The following LEMD1 variants were observed in gnomAD, a reference collection of about 807,000 sequenced individuals.
The protein encoded by LEMD1 is LEM domain-containing protein 1.
In LEMD1, 18 loss-of-function variants were observed where a neutral mutation model predicts 17.4. The observed-to-expected ratio is 1.04, with a 90% CI of 0.72 to 1.54. The LOEUF is 1.54. LEMD1 is among the 40% of genes most tolerant of loss of function. LEMD1 has a pLI of 0.00. For synonymous variants in LEMD1, 88 were observed against 77.8 expected (o/e 1.13, Z -0.69); for missense variants, 195 against 210.4 (o/e 0.93, Z 0.45).
intron 4 of LEMD1, among the ~76,000 whole-genome samples, chr1:205,398,134 C>T (rs6679381): frequency 0.56 from 85,780 of 152,036 alleles, 24,587 homozygotes; most frequent in African/African-American, 0.64. Context: ...TTTAGCAGCT[C>T]CCTTAGCACA....
chr1:205,411,092 GAAAGAAA>G lies in LEMD1; in HGVS notation c.270+5133_270+5139del, dbSNP rs369368701. ...AAAGAAAGAAATGAAGGAAAAAGAAGAAAGAAAAAAGAAAGAAAGGAAGGAGGGAGGG... is the reference window on the plus strand; with the variant it reads ...AAAGAAAGAAATGAAGGAAAAAGAAGAAAGAAAGAAAGGAAGGAGGGAGGG... On this transcript the variant is annotated intron_variant, in intron 4 of 5. Transcript: ENST00000367153. Among the ~76,000 whole-genome samples, 99 of 14,796 alleles carry G rather than the reference GAAAGAAA, an allele frequency of 6.7e-3. 2 individuals carry two copies. The highest frequency in any genetic ancestry group is 0.024 in the East Asian group (2 of 82). The allele number at this position is 14,796 out of a possible 152,430, so 9.7% of individuals were successfully genotyped here. A position where few individuals can be genotyped will look rare whatever the true frequency, so the allele number is the denominator to read the frequency against.
intron 1 of LEMD1, among the ~76,000 whole-genome samples, chr1:205,449,236 G>C (rs1463847506): frequency 2.6e-5 from 4 of 152,140 alleles, no homozygotes; most frequent in Non-Finnish European, 5.9e-5. Context: ...AAGGTCTCAG[G>C]GCCCTGGAAA....
chr1:205,431,726 C>CT (rs1350697667), intron 1 of LEMD1, among the ~76,000 whole-genome samples: 172 of 151,146 alleles, frequency 1.1e-3, no homozygotes, highest in Middle Eastern at 3.4e-3. Context: ...TTCTTTCTTT[C>CT]TTTTTTTTTG....
chr1:205,440,029 G>C (rs1575007696), intron 1 of LEMD1, among the ~76,000 whole-genome samples: 1 of 152,062 alleles, frequency 6.6e-6, no homozygotes, highest in South Asian at 2.1e-4. Context: ...AGTTTCCACT[G>C]AAGGCACCAC....
intron 4 of LEMD1, among the ~76,000 whole-genome samples, chr1:205,409,775 T>TTAA (rs1491250495): frequency 3.8e-4 from 44 of 114,790 alleles, no homozygotes; most frequent in African/African-American, 1.7e-3. Context: ...AGTTAATTAA[T>TTAA]TTTTTTTTTT....
rs1319250573 is a variant in LEMD1 at position 205,419,274 on chromosome 1, C to T, written c.161G>A (p.Gly54Glu). 1 of 1,614,220 alleles carries T rather than the reference C, an allele frequency of 6.2e-7. No homozygotes were observed. Reference sequence around the variant, plus strand: ...CTGCGCTCCATCCAGCTCTCTGGGTCCATTCATCACAGGTGGTGCACAGGG... The same window carrying T: ...CTGCGCTCCATCCAGCTCTCTGGGTTCATTCATCACAGGTGGTGCACAGGG... ...SPPCAPPVMN[G>E]PRELDGAQDS... The change falls in exon 3 of 6, where the codon GGA becomes GAA. Residue 54 changes from glycine (G) to glutamate (E), a missense_variant. Coordinates refer to ENST00000367153, the MANE Select transcript of LEMD1 (RefSeq NM_001199050.2).
chr1:205,384,427 G>T, intron 4 of LEMD1, 63 bp from the exon 5 acceptor site: 1 of 1,090,364 alleles, frequency 9.2e-7, no homozygotes, highest in South Asian at 2.1e-5. Context: ...AAATAACCTT[G>T]GTTTTTATTC....
At chr1:205,444,946 GC>G (rs538343441) in intron 1 of LEMD1, among the ~76,000 whole-genome samples, 232 of 151,220 alleles carry the variant, frequency 1.5e-3, no homozygotes, top group African/African-American at 5.4e-3. Context: ...AGGAGGGTGT[GC>G]CCTCGACGCC....
intron 1 of LEMD1, among the ~76,000 whole-genome samples, chr1:205,443,509 T>C (rs1338412698): frequency 6.6e-6 from 1 of 152,148 alleles, no homozygotes; most frequent in Admixed American, 6.5e-5. Context: ...GGAGAGCTAA[T>C]GAAGCTGGCC....
intron 4 of LEMD1, among the ~76,000 whole-genome samples, chr1:205,406,000 G>A (rs773215972): frequency 5.3e-5 from 8 of 152,188 alleles, no homozygotes; most frequent in Non-Finnish European, 7.3e-5. Context: ...TATCAGCAGC[G>A]GTGTCTGCAG....
intron 1 of LEMD1, among the ~76,000 whole-genome samples, chr1:205,428,018 G>A (rs545920852): frequency 6.6e-6 from 1 of 152,358 alleles, no homozygotes; most frequent in African/African-American, 2.4e-5. Flanking sequence ...CTGGCAACGG[G>A]TGAGGCTGGA....
chr1:205,427,264 C>T (rs1301790236), intron 1 of LEMD1, among the ~76,000 whole-genome samples: 1 of 151,880 alleles, frequency 6.6e-6, no homozygotes, highest in African/African-American at 2.4e-5. Context: ...ACAGTAAGCG[C>T]TCACAAGTGT....
rs1664653770 is a variant in LEMD1 at position 205,397,640 on chromosome 1, A to G, written c.271-13276T>C. Among the ~76,000 whole-genome samples the G allele has an allele frequency of 2.0e-5, 3 of 152,308 alleles. No individual in the cohort carries two copies. In the South Asian group the frequency reaches 6.2e-4, roughly 32 times the overall value. On this transcript the variant is annotated intron_variant, in intron 4 of 5. Transcript: ENST00000367153. ...ATCATTCCTGGACTCATGAATTGTA[A>G]TGAATAATGCCTAGTGCTTACGAAG...
Position 205,447,324 on chromosome 1 carries a change from T to G in LEMD1, c.-39+2544A>C, listed in dbSNP as rs114656941. ...AGTGCAGGTGAGGCGGTTAGAATCA[T>G]GGGGTACATAGTAGGTACCCAGTAA... On this transcript the variant is annotated intron_variant, in intron 1 of 3. Transcript: ENST00000367154. 5.7e-3 allele frequency among the ~76,000 whole-genome samples: 861 copies of G among 152,320 alleles called. 11 individuals are homozygous for G. Among genetic ancestry groups the G allele is most frequent in the African/African-American group, 0.02 (820 of 41,572 alleles).
chr1:205,391,939 C>T, intron 4 of LEMD1, among the ~76,000 whole-genome samples: 1 of 135,464 alleles, frequency 7.4e-6, no homozygotes, highest in Non-Finnish European at 1.6e-5. Context: ...GAAACCTCGT[C>T]TCTACCGAAA....
intron 4 of LEMD1, among the ~76,000 whole-genome samples, chr1:205,414,621 C>T (rs1372538592): frequency 6.6e-6 from 1 of 151,846 alleles, no homozygotes; most frequent in Non-Finnish European, 1.5e-5. Flanking sequence ...CATGGTCTCC[C>T]TAGGTTGCCC....
upstream of LEMD1, among the ~76,000 whole-genome samples, chr1:205,422,374 G>T (rs1251408089): frequency 6.6e-6 from 1 of 152,150 alleles, no homozygotes; most frequent in African/African-American, 2.4e-5. Context: ...CCATCAAAAG[G>T]CCCATACTAG....
In LEMD1 at chr1:205,381,834, T is replaced by C; in HGVS notation, c.370A>G (p.Thr124Ala). ...GTGATAGTCCCATATGTGATTCTGG[T>C]GCTTGGTGCTCTTGCAGCCCACCTG... ...GRRWAARAPS[T>A]RITYGTITKE... is the part of the protein sequence containing the mutation. Residue 124 changes from threonine to alanine, a missense_variant, in exon 6 of 6, where the codon ACC becomes GCC. Coordinates refer to ENST00000367153, the MANE Select transcript of LEMD1 (RefSeq NM_001199050.2). The C allele has an allele frequency of 6.2e-7, 1 of 1,614,106 alleles. No homozygotes were observed. Among genetic ancestry groups the C allele is most frequent in the Non-Finnish European group, 8.5e-7 (1 of 1,180,020 alleles).
chr1:205,431,094 T>C (rs1231353021), intron 1 of LEMD1, among the ~76,000 whole-genome samples: 2 of 152,202 alleles, frequency 1.3e-5, no homozygotes, highest in Admixed American at 6.5e-5. Context: ...TCACTTTCAC[T>C]GCACAGGTCA....
Sources: allele counts gnomAD v4.1 joint callset (sites outside exome capture counted in the v4.1 genomes callset), GRCh38; gene constraint gnomAD v4.1.1; transcripts MANE v1.5; gene names NCBI Gene and HGNC (gene_info 2026-07-23, HGNC 2026-07-21).